DOCK2: variants seen among roughly 807,000 people sequenced by gnomAD.
DOCK2 encodes dedicator of cytokinesis protein 2.
In DOCK2, 87 loss-of-function variants were observed where a neutral mutation model predicts 248.9. That is an observed-to-expected ratio of 0.35 (90% CI 0.29 to 0.42). The LOEUF (loss-of-function observed/expected upper bound fraction) is 0.42, where lower values mean the gene tolerates loss of function less well. Among genes scored for constraint, DOCK2 ranks in the 10% least tolerant of loss-of-function variants. The pLI is 1.00. For missense variants in DOCK2, 1,747 were observed against 2,300.2 expected (o/e 0.76, Z 4.92); for synonymous variants, 805 against 821.6 (o/e 0.98, Z 0.35).
At position 169,926,121 on chromosome 5, in the gene DOCK2, G is replaced by A. The variant is rs967580994; in HGVS notation, c.2800-56947G>A. Among the ~76,000 whole-genome samples the A allele has an allele frequency of 2.7e-4, 41 of 152,270 alleles. 1 individual carries two copies. The highest frequency in any genetic ancestry group is 9.9e-4 in the African/African-American group (41 of 41,552). ...AAGTGGGATGCTGTGGGAAAACATAGATCTGGGAAGCCAGTCAGGCCAAAG... is the reference window on the plus strand; with the variant it reads ...AAGTGGGATGCTGTGGGAAAACATAAATCTGGGAAGCCAGTCAGGCCAAAG... On this transcript the variant is annotated intron_variant, in intron 27 of 51. Coordinates refer to ENST00000520908, the MANE Select transcript of DOCK2 (RefSeq NM_004946.3).
rs374255474 is a variant in DOCK2 at position 169,807,401 on chromosome 5, G to A, written c.2703+4195G>A. ...TGCTGTTGATGCTACCAATGTAGAG[G>A]CCATGCTCAGAAACCATTGCTCTAA... On this transcript the variant is annotated intron_variant, in intron 26 of 51. Transcript: ENST00000520908. Among the ~76,000 whole-genome samples the A allele has an allele frequency of 2.0e-4, 30 of 152,260 alleles. 1 individual carries two copies. The Middle Eastern group carries it at 0.01, about 52-fold the overall frequency.
chr5:170,000,806 C>T (rs1411007645), intron 30 of DOCK2, among the ~76,000 whole-genome samples: 1 of 152,168 alleles, frequency 6.6e-6, no homozygotes, highest in East Asian at 1.9e-4. Context: ...CCAGCCTATC[C>T]TGGGAACCAG....
At chr5:169,656,323 ATT>A (rs201780874) in intron 2 of DOCK2, among the ~76,000 whole-genome samples, 11 of 139,898 alleles carry the variant, frequency 7.9e-5, no homozygotes, top group Admixed American at 7.2e-5. Flanking sequence ...GAGCTAGTGG[ATT>A]TTTTTTTTTT....
intron 25 of DOCK2, among the ~76,000 whole-genome samples, chr5:169,788,088 T>G (rs1766100123): frequency 6.6e-6 from 1 of 151,408 alleles, no homozygotes. Context: ...CTCAAACTCA[T>G]TATTTCCAAA....
At chr5:170,015,809 C>T (rs1476503534) in intron 32 of DOCK2, among the ~76,000 whole-genome samples, 3 of 150,710 alleles carry the variant, frequency 2.0e-5, no homozygotes, top group Non-Finnish European at 4.4e-5. Flanking sequence ...TTCTCCCTTC[C>T]CTCCCTCCCT....
chr5:169,893,811 G>C (rs145617532), intron 27 of DOCK2, among the ~76,000 whole-genome samples: 8 of 152,326 alleles, frequency 5.3e-5, no homozygotes, highest in Non-Finnish European at 5.9e-5. Flanking sequence ...ATGTTGACGT[G>C]TCAACATTTT....
At chr5:169,715,013 A>G (rs1761824241) in intron 19 of DOCK2, among the ~76,000 whole-genome samples, 1 of 152,140 alleles carries the variant, frequency 6.6e-6, no homozygotes, top group African/African-American at 2.4e-5. Context: ...TGTTAGTACT[A>G]CCCACAGATC....
At chr5:169,881,894 G>A (rs1217452070) in intron 27 of DOCK2, among the ~76,000 whole-genome samples, 1 of 152,174 alleles carries the variant, frequency 6.6e-6, no homozygotes, top group Non-Finnish European at 1.5e-5. Flanking sequence ...TCTTTAGAGA[G>A]CACTTTCTGC....
chr5:169,903,773 AC>A (rs1335158914), intron 27 of DOCK2, among the ~76,000 whole-genome samples: 16 of 152,036 alleles, frequency 1.1e-4, no homozygotes, highest in Non-Finnish European at 1.2e-4. Flanking sequence ...TTTGGACTTA[AC>A]CCTAAGAGCA....
chr5:170,035,229 T>G (rs1018406638), intron 35 of DOCK2, among the ~76,000 whole-genome samples: 7 of 152,176 alleles, frequency 4.6e-5, no homozygotes, highest in Non-Finnish European at 1.0e-4. Context: ...GCCATAATGC[T>G]TCATATTCAC....
intron 27 of DOCK2, among the ~76,000 whole-genome samples, chr5:169,937,337 A>T (rs575001035): frequency 6.6e-6 from 1 of 152,300 alleles, no homozygotes; most frequent in Admixed American, 6.5e-5. Flanking sequence ...TGCACCTTGG[A>T]TCTATGGTTC....
chr5:169,923,512 C>A (rs980838615), intron 27 of DOCK2, among the ~76,000 whole-genome samples: 8 of 151,790 alleles, frequency 5.3e-5, no homozygotes, highest in Admixed American at 1.3e-4. Flanking sequence ...CACACACACA[C>A]TCTTTGCAGG....
chr5:169,819,456 A>C (rs1768281348), intron 26 of DOCK2, among the ~76,000 whole-genome samples: 1 of 152,174 alleles, frequency 6.6e-6, no homozygotes, highest in African/African-American at 2.4e-5. Context: ...CCCTACACCT[A>C]CAAAAAATTA....
chr5:169,702,531 T>G (rs993785681), intron 14 of DOCK2, 104 bp downstream of exon 14: 2 of 1,543,014 alleles, frequency 1.3e-6, no homozygotes, highest in Non-Finnish European at 1.8e-6. Flanking sequence ...AAATGCCAGG[T>G]GCCTTTGGGA....
At chr5:170,056,554 A>C in intron 42 of DOCK2, 130 bp from the exon 43 acceptor site, 1 of 663,126 alleles carries the variant, frequency 1.5e-6, no homozygotes. Context: ...CTTGATTTTA[A>C]ATGCACCACA....
At chr5:170,068,526 A>G (rs1195399437) in intron 45 of DOCK2, among the ~76,000 whole-genome samples, 1 of 152,180 alleles carries the variant, frequency 6.6e-6, no homozygotes, top group Non-Finnish European at 1.5e-5. Context: ...CAATCCTTCC[A>G]ACTACCCTCA....
intron 50 of DOCK2, 75 bp downstream of exon 50, chr5:170,080,358 T>C: frequency 6.3e-7 from 1 of 1,590,574 alleles, no homozygotes; most frequent in Non-Finnish European, 8.6e-7. Flanking sequence ...GGAGGATGGA[T>C]GGGAACTGTG....
intron 26 of DOCK2, among the ~76,000 whole-genome samples, chr5:169,827,324 A>G (rs140803792): frequency 1.4e-3 from 218 of 152,206 alleles, no homozygotes; most frequent in African/African-American, 5.0e-3. Context: ...CAGCTTCTCA[A>G]GGATCTCAGT....
chr5:169,875,043 AAT>A (rs1428082755), intron 27 of DOCK2, among the ~76,000 whole-genome samples: 3 of 152,144 alleles, frequency 2.0e-5, no homozygotes, highest in Non-Finnish European at 4.4e-5. Flanking sequence ...GCAGAAAGGT[AAT>A]TCATCTTTCC....
Sources: gnomAD v4.1 joint callset for allele counts (sites outside exome capture counted in the v4.1 genomes callset) on GRCh38, gnomAD v4.1.1 for gene constraint, MANE v1.5 for transcripts, NCBI Gene and HGNC (gene_info 2026-07-23, HGNC 2026-07-21) for gene names.